ZNF563: variants seen among roughly 807,000 people sequenced by gnomAD.
ZNF563 encodes zinc finger protein 563.
Under a neutral mutation model 48.5 loss-of-function variants are expected in ZNF563, and 39 were observed. That is an observed-to-expected ratio of 0.80 (90% CI 0.62 to 1.05). The LOEUF (loss-of-function observed/expected upper bound fraction) is 1.05. ZNF563 is among the 50% of genes least tolerant of loss of function. The pLI is 0.00. For synonymous variants in ZNF563, 168 were observed against 187.9 expected, an observed-to-expected ratio of 0.89 and a Z score of 0.87; for missense variants, 538 against 597.0, an observed-to-expected ratio of 0.90 and a Z score of 1.03.
At chr19:12,336,052 C>T (rs1969017557), upstream of ZNF563, among the ~76,000 whole-genome samples, 1 of 152,188 alleles carries the variant, frequency 6.6e-6, no homozygotes, top group South Asian at 2.1e-4. Flanking sequence ...TTAATTGAAA[C>T]AAAGACCCTC....
chr19:12,318,337 T>G lies in ZNF563; in HGVS notation c.*257A>C, dbSNP rs1968486311. On this transcript the variant is annotated 3_prime_UTR_variant, in exon 4 of 4. Coordinates refer to ENST00000293725, the MANE Select transcript of ZNF563 (RefSeq NM_145276.3). Reference sequence around the variant, plus strand: ...CAAAATGACTGAAGGCTTCCCTACATATTTTACACTCACAGAGTTTTTCTG... The same window carrying G: ...CAAAATGACTGAAGGCTTCCCTACAGATTTTACACTCACAGAGTTTTTCTG... The G allele has an allele frequency of 3.9e-6, 2 of 507,590 alleles. No individual in the cohort carries two copies. The highest frequency in any genetic ancestry group is 1.9e-5 in the African/African-American group (1 of 51,780). 31.4% of individuals were successfully genotyped at this position (507,590 alleles called of 1,614,324 possible). A position where few individuals can be genotyped will look rare whatever the true frequency, so the allele number is the denominator to read the frequency against.
intron 1 of ZNF563, among the ~76,000 whole-genome samples, chr19:12,333,243 G>T (rs1472107699): frequency 6.6e-6 from 1 of 152,166 alleles, no homozygotes; most frequent in Non-Finnish European, 1.5e-5. Context: ...CCCAGACAGG[G>T]CTCCGAGGCC....
the ZNF563 span, chr19:12,345,871 T>TC: frequency 6.6e-6 from 1 of 152,000 alleles, no homozygotes; most frequent in Non-Finnish European, 1.5e-5. Context: ...TAAGTCAAGA[T>TC]CATGCCTCTG....
upstream of ZNF563, among the ~76,000 whole-genome samples, chr19:12,338,493 C>T (rs1047208802): frequency 2.0e-5 from 3 of 152,168 alleles, no homozygotes; most frequent in Non-Finnish European, 4.4e-5. Context: ...AAGAGATCCA[C>T]CTGCCTCGGA....
chr19:12,344,668 C>T, the ZNF563 span, among the ~76,000 whole-genome samples: 1 of 152,022 alleles, frequency 6.6e-6, no homozygotes, highest in African/African-American at 2.4e-5. Context: ...AGACAGGATG[C>T]CCACTTTCAA....
intron 1 of ZNF563, among the ~76,000 whole-genome samples, chr19:12,326,500 C>T (rs1172479788): frequency 6.6e-6 from 1 of 151,910 alleles, no homozygotes; most frequent in East Asian, 1.9e-4. Flanking sequence ...AAAAATTAGC[C>T]AGGTGTGGTG....
chr19:12,344,205 C>T, the ZNF563 span, among the ~76,000 whole-genome samples: 1 of 151,866 alleles, frequency 6.6e-6, no homozygotes. Context: ...CCAGCCTGAG[C>T]AACATGGCAA....
At chr19:12,331,232 G>A (rs967199286) in intron 1 of ZNF563, among the ~76,000 whole-genome samples, 2 of 152,134 alleles carry the variant, frequency 1.3e-5, no homozygotes, top group African/African-American at 4.8e-5. Flanking sequence ...TTTCAAGGTT[G>A]ACAACCTCAG....
chr19:12,318,693 C>T lies in ZNF563; in HGVS notation c.1332G>A (p.Thr444=), dbSNP rs74729257. 343 of 1,614,098 alleles carry T rather than the reference C, an allele frequency of 2.1e-4. 2 individuals carry two copies. In the East Asian group the frequency reaches 6.7e-3, roughly 32 times the overall value. ...CCTTGCATTTATTCGGCCCATCTCCCGTATGCATTACCATATGTCTTCGAA... is the reference window on the plus strand; with the variant it reads ...CCTTGCATTTATTCGGCCCATCTCCTGTATGCATTACCATATGTCTTCGAA... ...SSFRRHMVMH[T]GDGPNKCKVC... The change falls in exon 4 of 4, where the codon ACG becomes ACA. Residue 444 remains threonine, a synonymous_variant. Coordinates refer to ENST00000293725, the MANE Select transcript of ZNF563 (RefSeq NM_145276.3).
At chr19:12,327,147 C>T (rs575739703) in intron 1 of ZNF563, among the ~76,000 whole-genome samples, 3 of 152,210 alleles carry the variant, frequency 2.0e-5, no homozygotes, top group South Asian at 4.2e-4. Flanking sequence ...TTCTGCTCAA[C>T]TAAAATCAAA....
In ZNF563 at chr19:12,317,801, G is replaced by A. The variant is rs1195799951; in HGVS notation, c.*793C>T. 1.3e-5 allele frequency: 2 copies of A among 153,868 alleles called. No individual in the cohort carries two copies. Among genetic ancestry groups the A allele is most frequent in the African/African-American group, 4.8e-5 (2 of 41,434 alleles). 9.5% of individuals were successfully genotyped at this position (153,868 alleles called of 1,614,324 possible). On this transcript the variant is annotated 3_prime_UTR_variant, in exon 4 of 4. Transcript: ENST00000293725. The stretch of plus-strand genomic sequence containing the variant: ...GCTTAAAATTAAGGCTTTACTATGT[G>A]TTTACATTCATAGGGTTTATCTCCA...
the ZNF563 span, among the ~76,000 whole-genome samples, chr19:12,339,260 A>C: frequency 6.8e-6 from 1 of 146,102 alleles, no homozygotes; most frequent in Non-Finnish European, 1.5e-5. Flanking sequence ...TCTGACATGC[A>C]TCCAGTTGAT....
At chr19:12,333,361 G>A (rs1968970099) in intron 1 of ZNF563, 119 bp downstream of exon 1, 3 of 1,380,318 alleles carry the variant, frequency 2.2e-6, no homozygotes, top group African/African-American at 1.4e-5. Context: ...GCGCCAGGGG[G>A]ACTCGGGTCC....
At chr19:12,335,943 T>G (rs540890509), upstream of ZNF563, among the ~76,000 whole-genome samples, 1 of 152,368 alleles carries the variant, frequency 6.6e-6, no homozygotes, top group East Asian at 1.9e-4. Flanking sequence ...TTAATCTGCC[T>G]TCTCTCCAAT....
intron 3 of ZNF563, among the ~76,000 whole-genome samples, chr19:12,320,138 G>A (rs529575363): frequency 4.6e-5 from 7 of 152,056 alleles, no homozygotes; most frequent in African/African-American, 1.2e-4. Context: ...GGCTGTTCTC[G>A]AACTTCTGAC....
chr19:12,334,094 A>G (rs955549932), upstream of ZNF563, among the ~76,000 whole-genome samples: 11 of 152,166 alleles, frequency 7.2e-5, no homozygotes, highest in Admixed American at 2.6e-4. Context: ...CCTGATGTCC[A>G]CCGGGCATCA....
At chr19:12,340,548 C>T in the ZNF563 span, among the ~76,000 whole-genome samples, 72 of 151,944 alleles carry the variant, frequency 4.7e-4, no homozygotes, top group African/African-American at 1.7e-3. Context: ...ACAAGGTGGG[C>T]GGATCATTTG....
Position 12,333,515 on chromosome 19 carries a change from C to T in ZNF563, c.-33G>A. ...CTTCCGGGATGTTCCAGGGTCCTCCCTCTGCCTCCCGCTGCCAGTGCGGGT... is the reference window on the plus strand; with the variant it reads ...CTTCCGGGATGTTCCAGGGTCCTCCTTCTGCCTCCCGCTGCCAGTGCGGGT... On this transcript the variant is annotated 5_prime_UTR_variant, in exon 1 of 4. Transcript: ENST00000293725. The T allele has an allele frequency of 6.2e-7, 1 of 1,613,288 alleles. No homozygotes were observed. Among genetic ancestry groups the T allele is most frequent in the Non-Finnish European group, 8.5e-7 (1 of 1,179,640 alleles).
chr19:12,331,990 T>C (rs1968928791), intron 1 of ZNF563, among the ~76,000 whole-genome samples: 1 of 152,162 alleles, frequency 6.6e-6, no homozygotes, highest in African/African-American at 2.4e-5. Flanking sequence ...TCCTCACATA[T>C]GAAATATTCA....
Sources: allele counts gnomAD v4.1 joint callset (sites outside exome capture counted in the v4.1 genomes callset), GRCh38; gene constraint gnomAD v4.1.1; transcripts MANE v1.5; gene names NCBI Gene and HGNC (gene_info 2026-07-23, HGNC 2026-07-21).